Variants in OR13A1 observed in about 807,000 individuals in gnomAD.
The protein encoded by OR13A1 is olfactory receptor family 13 subfamily A member 1, also known as olfactory receptor 13A1.
Under a neutral mutation model 7.5 loss-of-function variants are expected in OR13A1, and 10 were observed. The ratio of observed to expected loss-of-function variants is 1.34; its 90% confidence interval spans 0.83 to 2.27. The LOEUF (loss-of-function observed/expected upper bound fraction) is 2.27. Ranked by LOEUF, OR13A1 falls within the 30% of genes most tolerant of loss-of-function variation. The pLI is 0.00. For synonymous variants in OR13A1, 238 were observed against 177.9 expected, an observed-to-expected ratio of 1.34 and a Z score of -2.69; for missense variants, 509 against 419.1, an observed-to-expected ratio of 1.21 and a Z score of -1.87.
rs1838285863 is a variant in OR13A1 at position 45,304,367 on chromosome 10, C to T, written c.56G>A (p.Arg19Lys). ...TACCAACGTCTGGTTACTCATCATC[C>T]TTGGGCTGGGACGGGTTTCTGGGAC... ...LIVPETRPSP[R>K]MMSNQTLVTE... The change falls in exon 4 of 4, where the codon AGG becomes AAG. Residue 19 changes from arginine to lysine, a missense_variant. Transcript: ENST00000553795. 3 of 1,614,072 alleles carry T rather than the reference C, an allele frequency of 1.9e-6. No homozygotes were observed. Among genetic ancestry groups the T allele is most frequent in the Non-Finnish European group, 2.5e-6 (3 of 1,180,014 alleles).
chr10:45,314,933 C>A (rs1838498615), intron 1 of OR13A1, among the ~76,000 whole-genome samples: 1 of 152,246 alleles, frequency 6.6e-6, no homozygotes, highest in Non-Finnish European at 1.5e-5. Context: ...TCCAAACAAA[C>A]AACAGCCCAG....
chr10:45,304,678 A>G (rs960700765), intron 3 of OR13A1, among the ~76,000 whole-genome samples: 2 of 152,220 alleles, frequency 1.3e-5, no homozygotes, highest in African/African-American at 4.8e-5. Flanking sequence ...TCTAGTCTTC[A>G]TCATCCATGA....
In OR13A1 at chr10:45,304,255, G is replaced by A. The variant is rs1044041101; in HGVS notation, c.168C>T (p.Ala56=). 4.3e-6 allele frequency: 7 copies of A among 1,614,042 alleles called. No individual in the cohort carries two copies. The highest frequency in any genetic ancestry group is 1.1e-5 in the South Asian group (1 of 91,082). The change falls in exon 4 of 4, where the codon GCC becomes GCT. Residue 56 remains alanine (A), a synonymous_variant. Coordinates refer to ENST00000553795, the MANE Select transcript of OR13A1 (RefSeq NM_001004297.3). ...FSCFLFLYSG[A]LTGNVLITLA... is the part of the protein sequence containing the mutation. ...AGGTGATGAGGACATTACCTGTGAGGGCCCCAGAGTAGAGGAAGAGGAAAC... is the reference window on the plus strand; with the variant it reads ...AGGTGATGAGGACATTACCTGTGAGAGCCCCAGAGTAGAGGAAGAGGAAAC...
Position 45,315,265 on chromosome 10 carries a change from G to A in OR13A1, c.-225+259C>T, listed in dbSNP as rs1301483286. 2.0e-5 allele frequency among the ~76,000 whole-genome samples: 3 copies of A among 151,952 alleles called. 1 individual carries two copies. In the South Asian group the frequency reaches 6.2e-4, roughly 31 times the overall value. ...GGAGGCAAATGTTGCAGTGAGCTGA[G>A]GTCATGCCACTGCACTCCAGCCAGA... On this transcript the variant is annotated intron_variant, in intron 1 of 3. Transcript: ENST00000553795.
At chr10:45,314,608 GA>G (rs549107638) in intron 1 of OR13A1, among the ~76,000 whole-genome samples, 525 of 151,456 alleles carry the variant, frequency 3.5e-3, no homozygotes, top group Non-Finnish European at 6.3e-3. Flanking sequence ...AAAAACAATA[GA>G]AAAAAATCAA....
intron 1 of OR13A1, among the ~76,000 whole-genome samples, chr10:45,312,655 C>T (rs555455110): frequency 1.3e-4 from 20 of 151,900 alleles, no homozygotes; most frequent in African/African-American, 4.6e-4. Context: ...GACAAAGAGA[C>T]AATCTTGAAA....
chr10:45,314,367 G>C (rs4948994), intron 1 of OR13A1, among the ~76,000 whole-genome samples: 99,869 of 151,328 alleles, frequency 0.66, 33,589 homozygotes, highest in African/African-American at 0.8. Context: ...CAGGCTGAGG[G>C]AGGAGAACTT....
Position 45,304,186 on chromosome 10 carries a change from A to G in OR13A1, c.237T>C (p.Phe79=), listed in dbSNP as rs367968165. 1 of 1,614,210 alleles carries G rather than the reference A, an allele frequency of 6.2e-7. No homozygotes were observed. The highest frequency in any genetic ancestry group is 1.7e-5 in the Admixed American group (1 of 60,032). ...CCATAGTAGCCAAGTTGAGTAAGAAAAAGTACATAGGAGCGTGGAGCCCAG... is the reference window on the plus strand; with the variant it reads ...CCATAGTAGCCAAGTTGAGTAAGAAGAAGTACATAGGAGCGTGGAGCCCAG... The part of the protein sequence containing the change: ...FNPGLHAPMY[F]FLLNLATMDI... Residue 79 remains phenylalanine (F), a synonymous_variant, in exon 4 of 4, where the codon TTT becomes TTC. Transcript: ENST00000553795.
chr10:45,305,281 A>T (rs539974613), intron 3 of OR13A1, among the ~76,000 whole-genome samples: 45 of 152,270 alleles, frequency 3.0e-4, no homozygotes, highest in African/African-American at 1.0e-3. Flanking sequence ...AAAAAAATTT[A>T]AAATAATGTG....
chr10:45,309,792 G>A (rs1042925860), intron 1 of OR13A1, among the ~76,000 whole-genome samples: 9 of 152,126 alleles, frequency 5.9e-5, no homozygotes, highest in Admixed American at 1.3e-4. Flanking sequence ...CTATTAAAAC[G>A]CACTTCAAAC....
At position 45,304,398 on chromosome 10, in the gene OR13A1, G is replaced by A. The variant is rs771699071; in HGVS notation, c.25C>T (p.Leu9=). 3.7e-6 allele frequency: 6 copies of A among 1,613,272 alleles called. No individual in the cohort carries two copies. The South Asian group carries it at 4.4e-5, about 12-fold the overall frequency. Reference sequence around the variant, plus strand: ...CTGGGACGGGTTTCTGGGACTATCAGGTGACTCTCCATCCACAGCTTCATG... The same window carrying A: ...CTGGGACGGGTTTCTGGGACTATCAAGTGACTCTCCATCCACAGCTTCATG... The part of the protein sequence containing the change: MKLWMESH[L]IVPETRPSPR... The change falls in exon 4 of 4, where the codon CTG becomes TTG. Residue 9 remains leucine (L), a synonymous_variant. Transcript: ENST00000553795.
In OR13A1 at chr10:45,304,056, T is replaced by G. The variant is rs758799161; in HGVS notation, c.367A>C (p.Thr123Pro). 3.7e-6 allele frequency: 6 copies of G among 1,613,554 alleles called. No homozygotes were observed. Among genetic ancestry groups the G allele is most frequent in the Non-Finnish European group, 5.1e-6 (6 of 1,179,676 alleles). Residue 123 changes from threonine (T) to proline (P), a missense_variant, in exon 4 of 4, where the codon ACG (threonine) becomes CCG (proline). Thr to Pro is a conservative substitution (Grantham distance 38). Coordinates refer to ENST00000553795, the MANE Select transcript of OR13A1 (RefSeq NM_001004297.3). ...AGCAGCTCTGAGGATGCAGCCCACGTGAGGAAATAGAGCTGGGCCATGCAG... is the reference window on the plus strand; with the variant it reads ...AGCAGCTCTGAGGATGCAGCCCACGGGAGGAAATAGAGCTGGGCCATGCAG... ...GGCMAQLYFL[T>P]WAASSELLLL...
chr10:45,304,249 T>A lies in OR13A1; in HGVS notation c.174A>T (p.Thr58=). ...CFLFLYSGAL[T]GNVLITLAIT... is the part of the protein sequence containing the mutation. The stretch of plus-strand genomic sequence containing the variant: ...TGGCCAAGGTGATGAGGACATTACC[T>A]GTGAGGGCCCCAGAGTAGAGGAAGA... The change falls in exon 4 of 4, where the codon ACA becomes ACT. Residue 58 remains threonine (T), a synonymous_variant. Coordinates refer to ENST00000553795, the MANE Select transcript of OR13A1 (RefSeq NM_001004297.3). 6.2e-7 allele frequency: 1 copy of A among 1,614,188 alleles called. No homozygotes were observed. The highest frequency in any genetic ancestry group is 8.5e-7 in the Non-Finnish European group (1 of 1,180,042).
chr10:45,305,840 CT>C (rs1361114868), intron 3 of OR13A1, among the ~76,000 whole-genome samples: 1 of 152,186 alleles, frequency 6.6e-6, no homozygotes, highest in Non-Finnish European at 1.5e-5. Context: ...CCACTCTTTC[CT>C]TTGTGTTTCC....
In OR13A1 at chr10:45,304,247, C is replaced by A; in HGVS notation, c.176G>T (p.Gly59Val). The change falls in exon 4 of 4, where the codon GGT becomes GTT. Residue 59 changes from glycine to valine, a missense_variant. Coordinates refer to ENST00000553795, the MANE Select transcript of OR13A1 (RefSeq NM_001004297.3). ...GATGGCCAAGGTGATGAGGACATTA[C>A]CTGTGAGGGCCCCAGAGTAGAGGAA... ...FLFLYSGALT[G>V]NVLITLAITF... 2 of 1,614,178 alleles carry A rather than the reference C, an allele frequency of 1.2e-6. No individual in the cohort carries two copies. The highest frequency in any genetic ancestry group is 1.1e-5 in the South Asian group (1 of 91,082).
Position 45,303,721 on chromosome 10 carries a change from C to T in OR13A1, c.702G>A (p.Ala234=), listed in dbSNP as rs753962862. 3.1e-6 allele frequency: 5 copies of T among 1,614,178 alleles called. No homozygotes were observed. The highest frequency in any genetic ancestry group is 3.4e-6 in the Non-Finnish European group (4 of 1,180,040). The change falls in exon 4 of 4, where the codon GCG becomes GCA. Residue 234 remains alanine, a synonymous_variant. Transcript: ENST00000553795. ...YGIVNFLMTI[A]SYGFIVSSIL... ...TGCTGGAGACGATGAAGCCATAGGA[C>T]GCGATGGTCATCAGGAAGTTCACTA...
intron 1 of OR13A1, among the ~76,000 whole-genome samples, chr10:45,312,128 T>C (rs1428124139): frequency 6.6e-6 from 1 of 152,056 alleles, no homozygotes; most frequent in East Asian, 1.9e-4. Context: ...TCAAATAGCC[T>C]AATATACATA....
intron 1 of OR13A1, among the ~76,000 whole-genome samples, 183 bp downstream of exon 1, chr10:45,315,341 A>C (rs1374675533): frequency 2.0e-5 from 3 of 152,194 alleles, no homozygotes; most frequent in Non-Finnish European, 4.4e-5. Flanking sequence ...CAACATGCAA[A>C]AATCAATGTA....
rs2133035203 is a variant in OR13A1, at chr10:45,304,116, G to C, written c.307C>G (p.Leu103Val). The C allele has an allele frequency of 1.9e-6, 3 of 1,614,194 alleles. No homozygotes were observed. Among genetic ancestry groups the C allele is most frequent in the Middle Eastern group, 1.6e-4 (1 of 6,062 alleles). ...GAGATGGAGCTCTCTTCCGACACCA[G>C]ACTGGCCAGCGCCTTGGGCATGATG... The part of the protein sequence containing the change: ...SSIMPKALAS[L>V]VSEESSISYG... Residue 103 changes from leucine (L) to valine (V), a missense_variant, in exon 4 of 4, where the codon CTG (leucine) becomes GTG (valine). Coordinates refer to ENST00000553795, the MANE Select transcript of OR13A1 (RefSeq NM_001004297.3).
Sources: gnomAD v4.1 joint callset for allele counts (sites outside exome capture counted in the v4.1 genomes callset) on GRCh38, gnomAD v4.1.1 for gene constraint, MANE v1.5 for transcripts, NCBI Gene and HGNC (gene_info 2026-07-23, HGNC 2026-07-21) for gene names.